The following UPRT variants were observed in gnomAD, a reference collection of about 807,000 sequenced individuals.
UPRT encodes the protein RP11-311P8.3.
In UPRT, 5 loss-of-function variants were observed where a neutral mutation model predicts 22.6. That is an observed-to-expected ratio of 0.22 (90% CI 0.12 to 0.47). The LOEUF (loss-of-function observed/expected upper bound fraction) is 0.47, where lower values mean the gene tolerates loss of function less well. Among genes scored for constraint, UPRT ranks in the 20% least tolerant of loss-of-function variants. The pLI, the probability that UPRT is intolerant of heterozygous loss-of-function variation, is 0.99. For synonymous variants in UPRT, 77 were observed against 87.7 expected (o/e 0.88, Z 0.68); for missense variants, 181 against 239.9 (o/e 0.75, Z 1.62).
intron 4 of UPRT, among the ~76,000 whole-genome samples, chrX:75,224,099 TA>T (rs944929673): frequency 2.7e-5 from 3 of 111,651 alleles, no homozygotes; most frequent in Admixed American, 9.6e-5. Context: ...TTTGGTTGTT[TA>T]AAAAAAATTC....
At chrX:75,185,125 T>A (rs1438913326) in intron 4 of UPRT, among the ~76,000 whole-genome samples, 9 of 111,985 alleles carry the variant, frequency 8.0e-5, no homozygotes, top group Middle Eastern at 4.6e-3. Context: ...GCTCCGAGGT[T>A]TTGCCCATTC....
At chrX:75,236,959 C>A (rs1324799506) in intron 4 of UPRT, among the ~76,000 whole-genome samples, 5 of 112,080 alleles carry the variant, frequency 4.5e-5, no homozygotes, top group African/African-American at 1.3e-4. Context: ...GGATCTAATT[C>A]AACTAAAGAG....
At chrX:75,290,477 CA>C (rs1442619144) in intron 1 of UPRT, among the ~76,000 whole-genome samples, 1 of 111,358 alleles carries the variant, frequency 9.0e-6, no homozygotes, top group Non-Finnish European at 1.9e-5. Context: ...ATTGTTCTAC[CA>C]AAAAACCACA....
At chrX:75,298,999 A>T (rs1020266446) in intron 4 of UPRT, among the ~76,000 whole-genome samples, 1 of 113,082 alleles carries the variant, frequency 8.8e-6, no homozygotes, top group African/African-American at 3.2e-5. Context: ...AATTTAAGTG[A>T]AAACAATAAA....
chrX:75,263,090 A>G (rs1418372976), intron 4 of UPRT, among the ~76,000 whole-genome samples: 1 of 112,125 alleles, frequency 8.9e-6, no homozygotes, highest in African/African-American at 3.2e-5. Context: ...AAGAACAGAA[A>G]TCATAACAAA....
At chrX:75,174,975 A>C (rs1408079712) in intron 4 of UPRT, among the ~76,000 whole-genome samples, 1 of 102,879 alleles carries the variant, frequency 9.7e-6, no homozygotes, top group Admixed American at 1.1e-4. Context: ...TTTCTCTCTG[A>C]CTCCTTCTCC....
At chrX:75,178,369 C>A (rs771092982) in intron 4 of UPRT, among the ~76,000 whole-genome samples, 1 of 111,776 alleles carries the variant, frequency 8.9e-6, no homozygotes, top group Non-Finnish European at 1.9e-5. Flanking sequence ...AAAGTCTCAC[C>A]GCTCAGCGAT....
chrX:75,258,980 G>T (rs1351251229), intron 4 of UPRT, among the ~76,000 whole-genome samples: 2 of 111,628 alleles, frequency 1.8e-5, no homozygotes, highest in East Asian at 5.7e-4. Context: ...AGGCAAACAG[G>T]GTCTGGAGTG....
intron 4 of UPRT, among the ~76,000 whole-genome samples, chrX:75,190,874 T>A (rs1289311656): frequency 1.8e-5 from 2 of 110,992 alleles, no homozygotes; most frequent in Admixed American, 9.6e-5. Flanking sequence ...TAGTTATCCA[T>A]TTGTCTATTT....
At chrX:75,285,789 C>T (rs763375922) in intron 1 of UPRT, among the ~76,000 whole-genome samples, 9 of 109,455 alleles carry the variant, frequency 8.2e-5, no homozygotes, top group Admixed American at 1.9e-4. Flanking sequence ...ATTAAGAAGG[C>T]GCTAAAGTGC....
At chrX:75,188,187 T>C (rs376106486) in intron 4 of UPRT, among the ~76,000 whole-genome samples, 1 of 112,128 alleles carries the variant, frequency 8.9e-6, no homozygotes, top group Non-Finnish European at 1.9e-5. Flanking sequence ...GATGGTGATG[T>C]ACAGAAGGTT....
At chrX:75,187,446 G>A (rs1244810322) in intron 4 of UPRT, among the ~76,000 whole-genome samples, 1 of 111,424 alleles carries the variant, frequency 9.0e-6, no homozygotes, top group Non-Finnish European at 1.9e-5. Flanking sequence ...CTCTCTGGCT[G>A]CCCTTAACAT....
At chrX:75,162,896 T>C (rs894961429) in intron 2 of UPRT, among the ~76,000 whole-genome samples, 1 of 111,780 alleles carries the variant, frequency 8.9e-6, no homozygotes, top group African/African-American at 3.2e-5. Flanking sequence ...TGATGTCGTG[T>C]TGATTTCATG....
intron 4 of UPRT, among the ~76,000 whole-genome samples, chrX:75,262,548 G>A (rs2082572423): frequency 9.0e-6 from 1 of 111,269 alleles, no homozygotes. Context: ...CATCTCACGT[G>A]CAAAGACACA....
At chrX:75,279,323 A>T (rs924011709) in intron 1 of UPRT, among the ~76,000 whole-genome samples, 9 of 111,391 alleles carry the variant, frequency 8.1e-5, no homozygotes, top group African/African-American at 2.9e-4. Context: ...GTGACGTGCA[A>T]ATTGTTTAAA....
chrX:75,229,329 A>G (rs1045473097), intron 4 of UPRT, among the ~76,000 whole-genome samples: 1 of 112,251 alleles, frequency 8.9e-6, no homozygotes, highest in Non-Finnish European at 1.9e-5. Flanking sequence ...AAAAGCAAAT[A>G]AACAAACAGT....
At chrX:75,267,203 G>C (rs140727124) in intron 4 of UPRT, among the ~76,000 whole-genome samples, 1,219 of 112,022 alleles carry the variant, frequency 0.011, 6 homozygotes, top group Middle Eastern at 0.037. Flanking sequence ...GTCCATCAGT[G>C]ATAGATTGGA....
At chrX:75,298,270 G>A (rs2082732926) in intron 4 of UPRT, among the ~76,000 whole-genome samples, 2 of 110,486 alleles carry the variant, frequency 1.8e-5, no homozygotes, top group South Asian at 7.9e-4. Flanking sequence ...GGGATTATGG[G>A]CATGAGCCAC....
upstream of UPRT, among the ~76,000 whole-genome samples, chrX:75,272,512 C>T (rs2082614699): frequency 1.9e-5 from 2 of 107,203 alleles, no homozygotes; most frequent in Non-Finnish European, 3.8e-5. Context: ...TGTTCTCACT[C>T]ATAAGTGGGA....
Sources: gnomAD v4.1 joint callset for allele counts (sites outside exome capture counted in the v4.1 genomes callset) on GRCh38, gnomAD v4.1.1 for gene constraint, MANE v1.5 for transcripts, NCBI Gene and HGNC (gene_info 2026-07-23, HGNC 2026-07-21) for gene names.